The following TAF2 variants were observed in gnomAD, a reference collection of about 807,000 sequenced individuals.
TAF2 encodes the protein transcription initiation factor TFIID subunit 2.
Under a neutral mutation model 138.5 loss-of-function variants are expected in TAF2, and 61 were observed. The ratio of observed to expected loss-of-function variants is 0.44; its 90% CI spans 0.36 to 0.54. TAF2 has a LOEUF of 0.54. Ranked by LOEUF, TAF2 falls within the 20% of genes least tolerant of loss-of-function variation. The pLI is 0.00. For synonymous variants in TAF2, 475 were observed against 469.9 expected (o/e 1.01, Z -0.14); for missense variants, 1,090 against 1,427.9 (o/e 0.76, Z 3.81).
At chr8:119,793,325 T>C (rs758935507) in intron 10 of TAF2, 41 bp downstream of exon 10, 9 of 1,494,544 alleles carry the variant, frequency 6.0e-6, no homozygotes, top group Middle Eastern at 1.7e-4. Context: ...TTGTTATATA[T>C]AGTCAAGGTT....
chr8:119,822,414 G>A (rs371953940), intron 2 of TAF2, among the ~76,000 whole-genome samples: 65 of 151,860 alleles, frequency 4.3e-4, no homozygotes, highest in African/African-American at 1.5e-3. Context: ...CTCTAGAGAC[G>A]GGTCTTATCA....
At chr8:119,771,398 G>A (rs1821825884) in intron 18 of TAF2, among the ~76,000 whole-genome samples, 1 of 151,902 alleles carries the variant, frequency 6.6e-6, no homozygotes, top group Admixed American at 6.6e-5. Flanking sequence ...ACCACACCTG[G>A]CTAATTTTTG....
intron 23 of TAF2, chr8:119,745,114 G>A: frequency 4.5e-6 from 2 of 441,546 alleles, no homozygotes; most frequent in Non-Finnish European, 4.6e-6. Context: ...AATAGCTATA[G>A]CAACCATGCA....
intron 25 of TAF2, among the ~76,000 whole-genome samples, chr8:119,737,489 A>C (rs990388776): frequency 6.6e-6 from 1 of 150,768 alleles, no homozygotes; most frequent in African/African-American, 2.4e-5. Context: ...CTCTATAATA[A>C]AGCTTTCATC....
At chr8:119,818,800 G>C (rs899017077) in intron 3 of TAF2, among the ~76,000 whole-genome samples, 9 of 150,686 alleles carry the variant, frequency 6.0e-5, no homozygotes, top group African/African-American at 2.2e-4. Context: ...AATAGAAGTA[G>C]AACATAAAAC....
Position 119,746,373 on chromosome 8 carries a change from CAA to C in TAF2, c.3108+330_3108+331del, listed in dbSNP as rs11392436. Among the ~76,000 whole-genome samples, 351 of 54,268 alleles carry C rather than the reference CAA, an allele frequency of 6.5e-3. 1 individual carries two copies. Among genetic ancestry groups the C allele is most frequent in the South Asian group, 0.016 (21 of 1,350 alleles). 35.6% of individuals were successfully genotyped at this position (54,268 alleles called of 152,430 possible). ...GGGGAACAAGAGTGGAACTCTGTCT[CAA>C]AAAAAAAAAAAAAAAAAAAAAAGGT... On this transcript the variant is annotated intron_variant, in intron 23 of 25. Transcript: ENST00000378164.
rs757463368 is a variant in TAF2, at chr8:119,732,230, G to A, written c.3338-44C>T. ...CCAAATGAATTCCTGCTGATGATAC[G>A]GAAAGCCAGACTAAAGAAAGAGGAA... On this transcript the variant is annotated intron_variant, in intron 25 of 25. Transcript: ENST00000378164. 1.7e-5 allele frequency: 27 copies of A among 1,582,392 alleles called. 1 individual carries two copies. Among genetic ancestry groups the A allele is most frequent in the African/African-American group, 6.8e-5 (5 of 74,036 alleles).
intron 18 of TAF2, among the ~76,000 whole-genome samples, chr8:119,776,199 G>A (rs1047589058): frequency 1.7e-4 from 26 of 152,024 alleles, no homozygotes; most frequent in African/African-American, 3.9e-4. Flanking sequence ...ATTAAACAAC[G>A]TCAAGAAAAA....
intron 2 of TAF2, among the ~76,000 whole-genome samples, chr8:119,823,844 T>C (rs1825936462): frequency 6.6e-6 from 1 of 152,198 alleles, no homozygotes; most frequent in South Asian, 2.1e-4. Context: ...GATAGTGATA[T>C]GGACAATAAG....
At chr8:119,798,907 TTTTA>T (rs1423310717) in intron 6 of TAF2, among the ~76,000 whole-genome samples, 14 of 152,296 alleles carry the variant, frequency 9.2e-5, no homozygotes, top group East Asian at 5.8e-4. Flanking sequence ...TTAATCATAA[TTTTA>T]TTTGTGTATG....
intron 22 of TAF2, among the ~76,000 whole-genome samples, chr8:119,752,297 T>C (rs775476916): frequency 7.2e-5 from 11 of 152,144 alleles, no homozygotes; most frequent in Non-Finnish European, 1.3e-4. Flanking sequence ...TATACACATA[T>C]ATAGGTCAGT....
intron 9 of TAF2, among the ~76,000 whole-genome samples, chr8:119,794,657 T>C (rs1385713977): frequency 2.0e-5 from 3 of 152,212 alleles, no homozygotes; most frequent in Non-Finnish European, 2.9e-5. Flanking sequence ...ATTAAGATCA[T>C]TTTAATATTT....
At position 119,819,352 on chromosome 8, in the gene TAF2, G is replaced by A; in HGVS notation, c.293C>T (p.Ser98Leu). 1 of 1,612,504 alleles carries A rather than the reference G, an allele frequency of 6.2e-7. No individual in the cohort carries two copies. Among genetic ancestry groups the A allele is most frequent in the Non-Finnish European group, 8.5e-7 (1 of 1,179,514 alleles). ...DPTLEVCHSESKQRNLNYFSN... is the reference protein window; with the variant it reads ...DPTLEVCHSELKQRNLNYFSN... ...TTTAAAGTGCATAACTTACTGTTTT[G>A]ATTCACTGTGACAAACTTCCAAGGT... The change falls in exon 3 of 26, where the codon TCA (serine) becomes TTA (leucine). Residue 98 changes from serine to leucine, a missense_variant. Ser to Leu is a moderately radical substitution (Grantham distance 145). Coordinates refer to ENST00000378164, the MANE Select transcript of TAF2 (RefSeq NM_003184.4).
chr8:119,820,457 A>C (rs912223186), intron 2 of TAF2, among the ~76,000 whole-genome samples: 3 of 152,156 alleles, frequency 2.0e-5, no homozygotes, highest in Non-Finnish European at 4.4e-5. Context: ...CTCTAATCCT[A>C]ATACCAACTC....
At chr8:119,790,098 T>G (rs970615861) in intron 11 of TAF2, among the ~76,000 whole-genome samples, 13 of 152,170 alleles carry the variant, frequency 8.5e-5, no homozygotes, top group African/African-American at 3.1e-4. Context: ...ACTCCAAAGC[T>G]TGAGTGGCTC....
intron 7 of TAF2, 21 bp from the exon 8 acceptor site, chr8:119,797,124 A>T (rs771595123): frequency 4.8e-5 from 72 of 1,501,962 alleles, no homozygotes; most frequent in Non-Finnish European, 6.4e-5. Flanking sequence ...AAAGAGAAGA[A>T]AGCTCATTAT....
chr8:119,798,876 C>T (rs1824023625), intron 6 of TAF2, among the ~76,000 whole-genome samples: 1 of 152,018 alleles, frequency 6.6e-6, no homozygotes, highest in Admixed American at 6.6e-5. Context: ...ATGATTAACA[C>T]TCTGTTTGTA....
intron 23 of TAF2, chr8:119,744,843 C>A (rs905895021): frequency 2.2e-6 from 1 of 452,666 alleles, no homozygotes; most frequent in African/African-American, 2.0e-5. Context: ...AGGTGAATAT[C>A]CTACACTGTT....
At chr8:119,762,351 C>G (rs984127306) in intron 19 of TAF2, 64 bp downstream of exon 19, 2 of 1,503,670 alleles carry the variant, frequency 1.3e-6, no homozygotes, top group Admixed American at 1.8e-5. Flanking sequence ...TTTTCTATAA[C>G]AAAAATAAAT....
Sources: gnomAD v4.1 joint callset for allele counts (sites outside exome capture counted in the v4.1 genomes callset) on GRCh38, gnomAD v4.1.1 for gene constraint, MANE v1.5 for transcripts, NCBI Gene and HGNC (gene_info 2026-07-23, HGNC 2026-07-21) for gene names.